The following PDE3A variants were observed in gnomAD, a reference collection of about 807,000 sequenced individuals.
PDE3A encodes the protein phosphodiesterase 3A, also known as cGMP-inhibited 3',5'-cyclic phosphodiesterase 3A.
Under a neutral mutation model 98.3 loss-of-function variants are expected in PDE3A, and 43 were observed. That is an observed-to-expected ratio of 0.44 (90% CI 0.34 to 0.56). PDE3A has a LOEUF of 0.56. PDE3A is among the 20% of genes least tolerant of loss of function. The probability of loss-of-function intolerance (pLI) is 0.01; values close to 1 mark genes in which losing one functional copy is unlikely to be tolerated. For synonymous variants in PDE3A, 663 were observed against 567.9 expected, an observed-to-expected ratio of 1.17 and a Z score of -2.38; for missense variants, 1,427 against 1,440.7, an observed-to-expected ratio of 0.99 and a Z score of 0.15.
intron 15 of PDE3A, among the ~76,000 whole-genome samples, chr12:20,663,840 G>T (rs1459110804): frequency 6.6e-6 from 1 of 152,136 alleles, no homozygotes; most frequent in Non-Finnish European, 1.5e-5. Context: ...GCAAGATTGT[G>T]TTTTGAAATG....
chr12:20,560,150 A>G (rs549683556), intron 2 of PDE3A, among the ~76,000 whole-genome samples: 104 of 152,334 alleles, frequency 6.8e-4, no homozygotes, highest in Middle Eastern at 6.8e-3. Context: ...TTTCAGGCAC[A>G]TACTCGAGGC....
At chr12:20,563,329 C>T (rs1934005139) in intron 2 of PDE3A, among the ~76,000 whole-genome samples, 2 of 152,016 alleles carry the variant, frequency 1.3e-5, no homozygotes, top group South Asian at 4.2e-4. Context: ...TGGAGTAATG[C>T]CATATATATT....
At chr12:20,375,997 A>G (rs1943565705) in intron 1 of PDE3A, among the ~76,000 whole-genome samples, 1 of 151,958 alleles carries the variant, frequency 6.6e-6, no homozygotes, top group Non-Finnish European at 1.5e-5. Context: ...ATTTTAAGCA[A>G]CTTTACATTT....
At chr12:20,663,732 T>C (rs1049755145) in intron 15 of PDE3A, among the ~76,000 whole-genome samples, 3 of 152,220 alleles carry the variant, frequency 2.0e-5, no homozygotes, top group African/African-American at 7.2e-5. Flanking sequence ...TGCAGGTTTA[T>C]AGGCAGAAAG....
At chr12:20,478,711 C>A (rs910108854) in intron 1 of PDE3A, among the ~76,000 whole-genome samples, 1 of 152,144 alleles carries the variant, frequency 6.6e-6, no homozygotes, top group East Asian at 1.9e-4. Flanking sequence ...TTTTCCTTTT[C>A]ATAATCAGGA....
chr12:20,486,881 G>A (rs1425830569), intron 1 of PDE3A, among the ~76,000 whole-genome samples: 1 of 152,212 alleles, frequency 6.6e-6, no homozygotes, highest in East Asian at 1.9e-4. Context: ...TGACCTGCCT[G>A]CCTTGGCCTC....
At chr12:20,545,128 T>G (rs2121231941) in intron 1 of PDE3A, among the ~76,000 whole-genome samples, 1 of 152,176 alleles carries the variant, frequency 6.6e-6, no homozygotes, top group African/African-American at 2.4e-5. Context: ...ATAGAAGTTG[T>G]AAAAATTTCA....
At chr12:20,601,683 T>C (rs1342287738) in intron 2 of PDE3A, among the ~76,000 whole-genome samples, 1 of 152,212 alleles carries the variant, frequency 6.6e-6, no homozygotes, top group Admixed American at 6.5e-5. Flanking sequence ...GTAATTTCAC[T>C]TTAACAATGA....
At chr12:20,518,173 C>T (rs1436690380) in intron 1 of PDE3A, among the ~76,000 whole-genome samples, 1 of 152,170 alleles carries the variant, frequency 6.6e-6, no homozygotes, top group African/African-American at 2.4e-5. Flanking sequence ...TCCAGTGCTT[C>T]AGAAAGGACT....
At chr12:20,456,146 TG>T (rs1461362742) in intron 1 of PDE3A, among the ~76,000 whole-genome samples, 28 of 152,236 alleles carry the variant, frequency 1.8e-4, no homozygotes, top group African/African-American at 5.8e-4. Flanking sequence ...ACTCCTTCGA[TG>T]AGCAGGAGAG....
At position 20,616,328 on chromosome 12, in the gene PDE3A, A is replaced by G; in HGVS notation, c.1368A>G (p.Ala456=). ...CAGGTCTACCCACCTTGGAGCCTGC[A>G]CCAGTACGGAGAGACCGCAGCACCA... is the stretch of plus-strand genomic sequence containing the variant. ...SATGLPTLEP[A]PVRRDRSTSI... The change falls in exon 4 of 16, where the codon GCA becomes GCG. Residue 456 remains alanine, a synonymous_variant. Coordinates refer to ENST00000359062, the MANE Select transcript of PDE3A (RefSeq NM_000921.5). The G allele has an allele frequency of 6.2e-7, 1 of 1,614,014 alleles. No individual in the cohort carries two copies. Among genetic ancestry groups the G allele is most frequent in the Non-Finnish European group, 8.5e-7 (1 of 1,179,954 alleles).
intron 6 of PDE3A, among the ~76,000 whole-genome samples, chr12:20,632,528 T>C (rs1043060593): frequency 1.3e-5 from 2 of 152,206 alleles, no homozygotes; most frequent in Non-Finnish European, 2.9e-5. Context: ...AATCTAATCA[T>C]GAAGTTTCTA....
At chr12:20,676,690 G>T (rs1000923013) in intron 15 of PDE3A, among the ~76,000 whole-genome samples, 1 of 151,910 alleles carries the variant, frequency 6.6e-6, no homozygotes, top group Non-Finnish European at 1.5e-5. Context: ...TAGTAGAGAT[G>T]GAGTTTCACC....
chr12:20,629,545 G>T (rs989750426), intron 5 of PDE3A, among the ~76,000 whole-genome samples: 12 of 152,104 alleles, frequency 7.9e-5, no homozygotes, highest in Admixed American at 5.9e-4. Flanking sequence ...CAACCTAAGA[G>T]AAAGTAAACA....
At chr12:20,607,798 G>A (rs533545824) in intron 2 of PDE3A, among the ~76,000 whole-genome samples, 7 of 151,966 alleles carry the variant, frequency 4.6e-5, no homozygotes, top group Admixed American at 3.9e-4. Flanking sequence ...AGTGTGGCTC[G>A]TACTGCACTG....
At chr12:20,577,386 A>G (rs1942960966) in intron 2 of PDE3A, among the ~76,000 whole-genome samples, 1 of 152,200 alleles carries the variant, frequency 6.6e-6, no homozygotes, top group Non-Finnish European at 1.5e-5. Flanking sequence ...CACCCGGTAG[A>G]TAATAAAGAA....
At chr12:20,667,114 A>T (rs571445767) in intron 15 of PDE3A, among the ~76,000 whole-genome samples, 1 of 152,020 alleles carries the variant, frequency 6.6e-6, no homozygotes, top group Non-Finnish European at 1.5e-5. Flanking sequence ...CCACTTTTTA[A>T]TAGAATTTTT....
At chr12:20,575,108 G>A (rs1565593662) in intron 2 of PDE3A, among the ~76,000 whole-genome samples, 1 of 151,954 alleles carries the variant, frequency 6.6e-6, no homozygotes, top group African/African-American at 2.4e-5. Flanking sequence ...AATTTATGAG[G>A]AGGAATATAA....
intron 2 of PDE3A, among the ~76,000 whole-genome samples, chr12:20,608,929 G>C (rs73080739): frequency 1.3e-5 from 2 of 151,842 alleles, no homozygotes; most frequent in African/African-American, 4.8e-5. Context: ...TTTCAAATTT[G>C]TATGGAAACA....
Sources: allele counts gnomAD v4.1 joint callset (sites outside exome capture counted in the v4.1 genomes callset), GRCh38; gene constraint gnomAD v4.1.1; transcripts MANE v1.5; gene names NCBI Gene and HGNC (gene_info 2026-07-23, HGNC 2026-07-21).